CXCL6: variants seen among roughly 807,000 people sequenced by gnomAD.
The protein encoded by CXCL6 is C-X-C motif chemokine 6.
Under a neutral mutation model 10.5 loss-of-function variants are expected in CXCL6, and 18 were observed. The observed-to-expected ratio is 1.71, with a 90% confidence interval of 1.18 to 2.54. CXCL6 has a LOEUF of 2.54. Ranked by LOEUF, CXCL6 falls within the 30% of genes most tolerant of loss-of-function variation. CXCL6 has a pLI of 0.00. For synonymous variants in CXCL6, 82 were observed against 68.3 expected, an observed-to-expected ratio of 1.20 and a Z score of -0.99; for missense variants, 171 against 145.7, an observed-to-expected ratio of 1.17 and a Z score of -0.90.
rs1161240981 is a variant in CXCL6, at chr4:73,838,742, A to G, written c.*1101A>G. 3 of 152,668 alleles carry G rather than the reference A, an allele frequency of 2.0e-5. No homozygotes were observed. In the South Asian group the frequency reaches 6.2e-4, roughly 32 times the overall value. 9.5% of individuals were successfully genotyped at this position (152,668 alleles called of 1,614,324 possible). ...ACTTGTATTGTCATTTGGAGAAACAATAAAAGATTTCTAAACCACTGATGT... is the reference window on the plus strand; with the variant it reads ...ACTTGTATTGTCATTTGGAGAAACAGTAAAAGATTTCTAAACCACTGATGT... On this transcript the variant is annotated 3_prime_UTR_variant, in exon 4 of 4. Coordinates refer to ENST00000226317, the MANE Select transcript of CXCL6 (RefSeq NM_002993.4).
Position 73,838,715 on chromosome 4 carries a change from G to A in CXCL6, c.*1074G>A, listed in dbSNP as rs926070260. On this transcript the variant is annotated 3_prime_UTR_variant, in exon 4 of 4. Transcript: ENST00000226317. ...TTCCTGTGTGTCATGTTGGTTTTTGGTACTTGTATTGTCATTTGGAGAAAC... is the reference window on the plus strand; with the variant it reads ...TTCCTGTGTGTCATGTTGGTTTTTGATACTTGTATTGTCATTTGGAGAAAC... The A allele has an allele frequency of 3.3e-5, 5 of 152,372 alleles. No individual in the cohort carries two copies. Among genetic ancestry groups the A allele is most frequent in the African/African-American group, 1.2e-4 (5 of 41,354 alleles). 9.4% of individuals were successfully genotyped at this position (152,372 alleles called of 1,614,324 possible).
At chr4:73,837,531 A>AT (rs145785970) in intron 3 of CXCL6, 92 bp from the exon 4 acceptor site, 28 of 1,294,296 alleles carry the variant, frequency 2.2e-5, no homozygotes, top group African/African-American at 4.5e-5. Context: ...GCTTTTATTG[A>AT]TTTTTTTCCC....
At position 73,838,721 on chromosome 4, in the gene CXCL6, G is replaced by A. The variant is rs1040098966; in HGVS notation, c.*1080G>A. On this transcript the variant is annotated 3_prime_UTR_variant, in exon 4 of 4. Transcript: ENST00000226317. ...TGTGTCATGTTGGTTTTTGGTACTT[G>A]TATTGTCATTTGGAGAAACAATAAA... is the stretch of plus-strand genomic sequence containing the variant. 1 of 152,464 alleles carries A rather than the reference G, an allele frequency of 6.6e-6. No individual in the cohort carries two copies. The highest frequency in any genetic ancestry group is 2.4e-5 in the African/African-American group (1 of 41,388). The allele number at this position is 152,464 out of a possible 1,614,324, so 9.4% of individuals were successfully genotyped here. A position where few individuals can be genotyped will look rare whatever the true frequency, so the allele number is the denominator to read the frequency against.
rs1466904979 is a variant in CXCL6 at position 73,836,794 on chromosome 4, C to T, written c.44C>T (p.Ser15Leu). The T allele has an allele frequency of 3.1e-6, 5 of 1,611,896 alleles. No individual in the cohort carries two copies. The African/African-American group carries it at 4.0e-5, about 13-fold the overall frequency. The part of the protein sequence containing the change: ...SSRAARVPGP[S>L]GSLCALLALL... ...CGCGCGGCCCGTGTCCCGGGTCCTT[C>T]GGGCTCCTTGTGCGCGCTGCTCGCG... Residue 15 changes from serine (S) to leucine (L), a missense_variant, in exon 1 of 4, where the codon TCG (serine) becomes TTG (leucine). Ser to Leu is a moderately radical substitution (Grantham distance 145). Coordinates refer to ENST00000226317, the MANE Select transcript of CXCL6 (RefSeq NM_002993.4).
chr4:73,836,810 G>C lies in CXCL6; in HGVS notation c.60G>C (p.Ala20=). 1 of 1,612,098 alleles carries C rather than the reference G, an allele frequency of 6.2e-7. No individual in the cohort carries two copies. The highest frequency in any genetic ancestry group is 1.1e-5 in the South Asian group (1 of 90,922). Residue 20 remains alanine (A), a synonymous_variant, in exon 1 of 4, where the codon GCG becomes GCC. Coordinates refer to ENST00000226317, the MANE Select transcript of CXCL6 (RefSeq NM_002993.4). ...CGGGTCCTTCGGGCTCCTTGTGCGC[G>C]CTGCTCGCGCTGCTGCTCCTGCTGA... The part of the protein sequence containing the change: ...RVPGPSGSLC[A]LLALLLLLTP...
At position 73,836,764 on chromosome 4, in the gene CXCL6, C is replaced by A; in HGVS notation, c.14C>A (p.Ser5Tyr). 1.2e-6 allele frequency: 2 copies of A among 1,610,536 alleles called. No homozygotes were observed. Among genetic ancestry groups the A allele is most frequent in the South Asian group, 1.1e-5 (1 of 90,788 alleles). ...CTCTTGACCACTATGAGCCTCCCGT[C>A]CAGCCGCGCGGCCCGTGTCCCGGGT... MSLP[S>Y]SRAARVPGPS... The change falls in exon 1 of 4, where the codon TCC becomes TAC. Residue 5 changes from serine (S) to tyrosine (Y), a missense_variant. By Grantham distance (144) the Ser-to-Tyr change is moderately radical. Coordinates refer to ENST00000226317, the MANE Select transcript of CXCL6 (RefSeq NM_002993.4).
At chr4:73,837,520 T>C (rs1731130767) in intron 3 of CXCL6, 103 bp from the exon 4 acceptor site, 1 of 1,193,410 alleles carries the variant, frequency 8.4e-7, no homozygotes, top group Non-Finnish European at 1.2e-6. Context: ...GTCTGCTCTT[T>C]GCTTTTATTG....
Position 73,837,275 on chromosome 4 carries a change from A to T in CXCL6, c.315A>T (p.Lys105Asn). 6.2e-7 allele frequency: 1 copy of T among 1,614,024 alleles called. No individual in the cohort carries two copies. The highest frequency in any genetic ancestry group is 8.5e-7 in the Non-Finnish European group (1 of 1,179,948). Reference protein sequence around the residue: ...EAPFLKKVIQKILDSGNKKN With the variant: ...EAPFLKKVIQNILDSGNKKN Reference sequence around the variant, plus strand: ...CTTTTCTAAAGAAAGTCATCCAGAAAATTTTGGACAGGTATTTGTCCCTTT... The same window carrying T: ...CTTTTCTAAAGAAAGTCATCCAGAATATTTTGGACAGGTATTTGTCCCTTT... Residue 105 changes from lysine (K) to asparagine (N), a missense_variant, in exon 3 of 4, where the codon AAA becomes AAT. Coordinates refer to ENST00000226317, the MANE Select transcript of CXCL6 (RefSeq NM_002993.4).
intron 3 of CXCL6, 66 bp from the exon 4 acceptor site, chr4:73,837,557 G>C: frequency 6.6e-7 from 1 of 1,519,022 alleles, no homozygotes; most frequent in African/African-American, 1.4e-5. Flanking sequence ...AAACGCTTTT[G>C]AAAACCAAAT....
In CXCL6 at chr4:73,837,064, C is replaced by G. The variant is rs267600253; in HGVS notation, c.210C>G (p.Pro70=). ...PKTIGKLQVF[P]AGPQCSKVEV... ...CGATTGGTAAACTGCAGGTGTTCCC[C>G]GCAGGCCCGCAGTGCTCCAAGGTGG... The change falls in exon 2 of 4, where the codon CCC becomes CCG. Residue 70 remains proline (P), a synonymous_variant. Coordinates refer to ENST00000226317, the MANE Select transcript of CXCL6 (RefSeq NM_002993.4). 3.1e-6 allele frequency: 5 copies of G among 1,613,700 alleles called. No individual in the cohort carries two copies. In the African/African-American group the frequency reaches 6.7e-5, roughly 22 times the overall value.
In CXCL6 at chr4:73,837,212, GA is replaced by G; in HGVS notation, c.254del (p.Lys85ArgfsTer15). On this transcript the variant is annotated frameshift_variant, in exon 3 of 4. Transcript: ENST00000226317. LOFTEE classifies it high-confidence loss of function. ...CSKVEVVASL[K>X]NGKQVCLDPE... ...TTTTTCTTTACTTCAGAGCCTCCCT[GA>G]AGAACGGGAAGCAAGTTTGTCTGGA... The G allele has an allele frequency of 6.2e-7, 1 of 1,614,076 alleles. No individual in the cohort carries two copies. Among genetic ancestry groups the G allele is most frequent in the Non-Finnish European group, 8.5e-7 (1 of 1,180,018 alleles).
chr4:73,837,409 A>C (rs1578138979), intron 3 of CXCL6, 123 bp downstream of exon 3: 2 of 1,122,266 alleles, frequency 1.8e-6, no homozygotes, highest in Non-Finnish European at 2.6e-6. Context: ...TGTTAAGAAG[A>C]ATAAGGAAAC....
At chr4:73,837,376 G>A in intron 3 of CXCL6, 90 bp downstream of exon 3, 2 of 1,271,526 alleles carry the variant, frequency 1.6e-6, no homozygotes, top group East Asian at 4.6e-5. Context: ...GTAGGATTTA[G>A]ACTATGCTTA....
At position 73,836,995 on chromosome 4, in the gene CXCL6, G is replaced by T. The variant is rs751129704; in HGVS notation, c.141G>T (p.Leu47=). 9 of 1,612,708 alleles carry T rather than the reference G, an allele frequency of 5.6e-6. No homozygotes were observed. The East Asian group carries it at 2.0e-4, about 36-fold the overall frequency. ...AGPVSAVLTE[L]RCTCLRVTLR... is the part of the protein sequence containing the mutation. The stretch of plus-strand genomic sequence containing the variant: ...CTGTCTCTGCTGTGCTGACAGAGCT[G>T]CGTTGCACTTGTTTACGCGTTACGC... Residue 47 remains leucine, a synonymous_variant, in exon 2 of 4, where the codon CTG becomes CTT. Coordinates refer to ENST00000226317, the MANE Select transcript of CXCL6 (RefSeq NM_002993.4).
At position 73,837,266 on chromosome 4, in the gene CXCL6, C is replaced by T; in HGVS notation, c.306C>T (p.Val102=). 1.9e-6 allele frequency: 3 copies of T among 1,614,176 alleles called. No individual in the cohort carries two copies. Among genetic ancestry groups the T allele is most frequent in the Non-Finnish European group, 2.5e-6 (3 of 1,180,032 alleles). The change falls in exon 3 of 4, where the codon GTC becomes GTT. Residue 102 remains valine (V), a synonymous_variant. Coordinates refer to ENST00000226317, the MANE Select transcript of CXCL6 (RefSeq NM_002993.4). ...CGGAAGCCCCTTTTCTAAAGAAAGT[C>T]ATCCAGAAAATTTTGGACAGGTATT... ...LDPEAPFLKK[V]IQKILDSGNK... is the part of the protein sequence containing the mutation.
intron 1 of CXCL6, 49 bp downstream of exon 1, chr4:73,836,908 G>C (rs41401748): frequency 0.035 from 55,830 of 1,606,074 alleles, 1,784 homozygotes; most frequent in African/African-American, 0.17. Context: ...CGGGGCCGCT[G>C]CGTTCCAGGG....
In CXCL6 at chr4:73,837,697, C is replaced by G. The variant is rs1170045684; in HGVS notation, c.*56C>G. ...GCCCAGTCTTCAGCGGAGCAGTTTT[C>G]TGGAGATCCCTGGACCCAGTAAGAA... On this transcript the variant is annotated 3_prime_UTR_variant, in exon 4 of 4. Coordinates refer to ENST00000226317, the MANE Select transcript of CXCL6 (RefSeq NM_002993.4). 2 of 1,423,436 alleles carry G rather than the reference C, an allele frequency of 1.4e-6. No homozygotes were observed. Among genetic ancestry groups the G allele is most frequent in the African/African-American group, 3.0e-5 (2 of 67,154 alleles). 88.2% of individuals were successfully genotyped at this position (1,423,436 alleles called of 1,614,324 possible).
At chr4:73,837,392 A>C (rs1731128387) in intron 3 of CXCL6, 106 bp downstream of exon 3, 2 of 1,211,448 alleles carry the variant, frequency 1.7e-6, no homozygotes, top group Admixed American at 4.3e-5. Flanking sequence ...GCTTAGAATT[A>C]TAAGGTTGTT....
chr4:73,836,819 G>T lies in CXCL6; in HGVS notation c.69G>T (p.Ala23=). Residue 23 remains alanine (A), a synonymous_variant, in exon 1 of 4, where the codon GCG becomes GCT. Coordinates refer to ENST00000226317, the MANE Select transcript of CXCL6 (RefSeq NM_002993.4). Reference sequence around the variant, plus strand: ...CGGGCTCCTTGTGCGCGCTGCTCGCGCTGCTGCTCCTGCTGACGCCGCCGG... The same window carrying T: ...CGGGCTCCTTGTGCGCGCTGCTCGCTCTGCTGCTCCTGCTGACGCCGCCGG... ...GPSGSLCALL[A]LLLLLTPPGP... is the part of the protein sequence containing the mutation. 6.2e-7 allele frequency: 1 copy of T among 1,612,318 alleles called. No homozygotes were observed. Among genetic ancestry groups the T allele is most frequent in the South Asian group, 1.1e-5 (1 of 90,956 alleles).
Sources: gnomAD v4.1 joint callset for allele counts on GRCh38, gnomAD v4.1.1 for gene constraint, MANE v1.5 for transcripts, NCBI Gene and HGNC (gene_info 2026-07-23, HGNC 2026-07-21) for gene names.